The following GPC5 variants were observed in gnomAD, a reference collection of about 807,000 sequenced individuals.
The protein encoded by GPC5 is glypican-5.
GPC5 carries 47 observed loss-of-function variants against 53.9 expected under a neutral mutation model. The ratio of observed to expected loss-of-function variants is 0.87; its 90% confidence interval spans 0.69 to 1.11. The LOEUF is 1.11. Among genes scored for constraint, GPC5 ranks in the 50% most tolerant of loss-of-function variants. The pLI is 0.00. For missense variants in GPC5, 748 were observed against 713.1 expected, an observed-to-expected ratio of 1.05 and a Z score of -0.56; for synonymous variants, 286 against 263.3, an observed-to-expected ratio of 1.09 and a Z score of -0.84.
intron 7 of GPC5, among the ~76,000 whole-genome samples, chr13:92,362,542 C>T (rs759352025): frequency 6.6e-6 from 1 of 151,664 alleles, no homozygotes; most frequent in Non-Finnish European, 1.5e-5. Context: ...TTACCTGTCT[C>T]AGTTATAAGT....
intron 7 of GPC5, among the ~76,000 whole-genome samples, chr13:92,178,637 G>T (rs1226345613): frequency 6.6e-6 from 1 of 151,952 alleles, no homozygotes; most frequent in African/African-American, 2.4e-5. Context: ...CATCTTTTGA[G>T]TCCAAACTGC....
rs568676681 is a variant in GPC5, at chr13:91,925,170, AC to A, written c.1401+17114del. Among the ~76,000 whole-genome samples the A allele has an allele frequency of 2.1e-3, 313 of 152,306 alleles. 3 individuals carry two copies. Among genetic ancestry groups the A allele is most frequent in the African/African-American group, 7.0e-3 (291 of 41,574 alleles). On this transcript the variant is annotated intron_variant, in intron 6 of 7. Coordinates refer to ENST00000377067, the MANE Select transcript of GPC5 (RefSeq NM_004466.6). The stretch of plus-strand genomic sequence containing the variant: ...AATTTCAAGATATTGTAAATTTAAA[AC>A]AAAATTTTATGTGTAATACCATTGA...
chr13:92,561,083 C>T (rs555257445), intron 7 of GPC5, among the ~76,000 whole-genome samples: 11 of 151,940 alleles, frequency 7.2e-5, no homozygotes, highest in Non-Finnish European at 1.5e-4. Flanking sequence ...GCCTTCGAGA[C>T]GTGACCTTGG....
At chr13:91,752,040 A>C (rs141394817) in intron 4 of GPC5, among the ~76,000 whole-genome samples, 50 of 152,280 alleles carry the variant, frequency 3.3e-4, no homozygotes, top group Non-Finnish European at 4.7e-4. Context: ...GTTTCTGCAG[A>C]GGCTTCTCTC....
At chr13:91,859,709 T>C (rs2039005229) in intron 5 of GPC5, among the ~76,000 whole-genome samples, 1 of 146,478 alleles carries the variant, frequency 6.8e-6, no homozygotes, top group South Asian at 2.1e-4. Context: ...TTTCACTTTG[T>C]GAATTTACTA....
At chr13:92,068,511 C>A (rs2041184543) in intron 6 of GPC5, among the ~76,000 whole-genome samples, 3 of 151,662 alleles carry the variant, frequency 2.0e-5, no homozygotes, top group African/African-American at 4.8e-5. Flanking sequence ...AGTAAGAATT[C>A]TCTTACAGTT....
chr13:92,048,048 A>G (rs890923990), intron 6 of GPC5, among the ~76,000 whole-genome samples: 2 of 151,888 alleles, frequency 1.3e-5, no homozygotes, highest in Non-Finnish European at 2.9e-5. Flanking sequence ...TTCAACTTAT[A>G]TTCTAGAAAC....
chr13:92,705,532 A>G (rs568476216), intron 7 of GPC5, among the ~76,000 whole-genome samples: 4 of 152,314 alleles, frequency 2.6e-5, no homozygotes, highest in African/African-American at 9.6e-5. Context: ...ATAAGAATGT[A>G]AAAATCTCAT....
chr13:92,044,925 C>T (rs1427373763), intron 6 of GPC5, among the ~76,000 whole-genome samples: 3 of 152,200 alleles, frequency 2.0e-5, no homozygotes, highest in South Asian at 4.1e-4. Context: ...TGATCACTAT[C>T]ATTAGTGTAT....
At chr13:92,311,218 A>G (rs2043143060) in intron 7 of GPC5, among the ~76,000 whole-genome samples, 1 of 152,218 alleles carries the variant, frequency 6.6e-6, no homozygotes, top group African/African-American at 2.4e-5. Context: ...GCAATTAAAA[A>G]TGTGAAAGAA....
chr13:92,670,113 C>T (rs1479169788), intron 7 of GPC5, among the ~76,000 whole-genome samples: 1 of 152,154 alleles, frequency 6.6e-6, no homozygotes, highest in Admixed American at 6.6e-5. Flanking sequence ...CACTGAATTT[C>T]AGCTTTATAA....
intron 6 of GPC5, among the ~76,000 whole-genome samples, chr13:92,094,812 T>C (rs1156345719): frequency 6.6e-6 from 1 of 150,734 alleles, no homozygotes. Context: ...TGTTCACATA[T>C]TGCTTTTTTT....
chr13:91,469,384 C>A (rs1882463838), intron 2 of GPC5, among the ~76,000 whole-genome samples: 1 of 152,118 alleles, frequency 6.6e-6, no homozygotes, highest in South Asian at 2.1e-4. Flanking sequence ...GTTGAGATTA[C>A]AGGCGTGAGT....
At chr13:91,613,339 C>G (rs1208989503) in intron 2 of GPC5, among the ~76,000 whole-genome samples, 2 of 152,098 alleles carry the variant, frequency 1.3e-5, no homozygotes, top group Admixed American at 1.3e-4. Context: ...CAGGGAAACT[C>G]CCCTTTATAA....
chr13:92,431,635 T>C (rs996767407), intron 7 of GPC5, among the ~76,000 whole-genome samples: 2 of 152,018 alleles, frequency 1.3e-5, no homozygotes, highest in African/African-American at 4.8e-5. Context: ...ACAGAGGCCA[T>C]GGTGAGGAGG....
intron 7 of GPC5, among the ~76,000 whole-genome samples, chr13:92,234,567 G>A (rs938225970): frequency 9.9e-5 from 15 of 152,088 alleles, no homozygotes; most frequent in African/African-American, 3.6e-4. Context: ...AAGACAAAAG[G>A]GTTTGGGCTG....
chr13:92,085,783 G>A (rs1320601860), intron 6 of GPC5, among the ~76,000 whole-genome samples: 2 of 152,062 alleles, frequency 1.3e-5, no homozygotes, highest in South Asian at 2.1e-4. Flanking sequence ...TAGATCCCTC[G>A]CATGCTCAGT....
intron 7 of GPC5, among the ~76,000 whole-genome samples, chr13:92,205,289 T>A (rs2042325809): frequency 6.6e-6 from 1 of 152,118 alleles, no homozygotes; most frequent in South Asian, 2.1e-4. Context: ...GAGTTTTTAT[T>A]AGGGTTTCAT....
At chr13:91,932,481 G>A (rs1404693879) in intron 6 of GPC5, among the ~76,000 whole-genome samples, 6 of 152,012 alleles carry the variant, frequency 3.9e-5, no homozygotes, top group African/African-American at 1.4e-4. Flanking sequence ...TCAGCTGCCT[G>A]TTACTTCCAA....
Sources: allele counts gnomAD v4.1 joint callset (sites outside exome capture counted in the v4.1 genomes callset), GRCh38; gene constraint gnomAD v4.1.1; transcripts MANE v1.5; gene names NCBI Gene and HGNC (gene_info 2026-07-23, HGNC 2026-07-21).